The following MAP9 variants were observed in gnomAD, a reference collection of about 807,000 sequenced individuals.
The protein encoded by MAP9 is microtubule-associated protein 9.
A neutral mutation model predicts 75.2 loss-of-function variants in MAP9; 80 were observed. The ratio of observed to expected loss-of-function variants is 1.06; its 90% CI spans 0.89 to 1.28. MAP9 has a LOEUF of 1.28. MAP9 is among the 50% of genes most tolerant of loss of function. The pLI is 0.00. For missense variants in MAP9, 753 were observed against 719.9 expected (o/e 1.05, Z -0.53); for synonymous variants, 235 against 237.3 (o/e 0.99, Z 0.09).
At position 155,347,595 on chromosome 4, in the gene MAP9, C is replaced by T. The variant is rs1163488395; in HGVS notation, c.*188G>A. 1 of 483,076 alleles carries T rather than the reference C, an allele frequency of 2.1e-6. No homozygotes were observed. Among genetic ancestry groups the T allele is most frequent in the Non-Finnish European group, 3.6e-6 (1 of 277,280 alleles). 29.9% of individuals were successfully genotyped at this position (483,076 alleles called of 1,614,324 possible). ...CTGATTATTAGGTCTTTGTTTGAGG[C>T]AGTTTATCTACAGTTCAAAAAAATG... On this transcript the variant is annotated 3_prime_UTR_variant, in exon 14 of 14. Coordinates refer to ENST00000311277, the MANE Select transcript of MAP9 (RefSeq NM_001039580.2).
At chr4:155,365,405 A>C (rs911148146) in intron 5 of MAP9, among the ~76,000 whole-genome samples, 1 of 152,126 alleles carries the variant, frequency 6.6e-6, no homozygotes, top group South Asian at 2.1e-4. Flanking sequence ...ACCCACAAAC[A>C]TAACTGGATA....
In MAP9 at chr4:155,373,183, T is replaced by C; in HGVS notation, c.434A>G (p.Lys145Arg). 6.3e-7 allele frequency: 1 copy of C among 1,595,976 alleles called. No homozygotes were observed. Among genetic ancestry groups the C allele is most frequent in the Non-Finnish European group, 8.5e-7 (1 of 1,172,952 alleles). ...KDEEFEKDKI[K>R]MKPKPRILSI... ...AAGAATTCTGGGTTTAGGTTTCATT[T>C]TTATTTTGTCTTTTTCAAATTCCTC... The change falls in exon 4 of 14, where the codon AAA becomes AGA. Residue 145 changes from lysine to arginine, a missense_variant. Transcript: ENST00000311277.
chr4:155,374,405 A>G (rs1202201057), intron 3 of MAP9, among the ~76,000 whole-genome samples: 1 of 152,232 alleles, frequency 6.6e-6, no homozygotes, highest in Non-Finnish European at 1.5e-5. Flanking sequence ...TGAAACTAAA[A>G]TGTTAATATG....
At chr4:155,351,809 T>C (rs1379978181) in intron 13 of MAP9, among the ~76,000 whole-genome samples, 1 of 151,920 alleles carries the variant, frequency 6.6e-6, no homozygotes, top group East Asian at 1.9e-4. Flanking sequence ...GTTTTAAAGT[T>C]TGATAGGAAA....
At chr4:155,353,157 A>G in intron 11 of MAP9, 22 bp downstream of exon 11, 1 of 1,560,008 alleles carries the variant, frequency 6.4e-7, no homozygotes, top group Non-Finnish European at 8.6e-7. Context: ...AAAATAATTA[A>G]GATGTGCAAA....
chr4:155,347,957 T>G, intron 13 of MAP9, 52 bp from the exon 14 acceptor site: 1 of 1,168,344 alleles, frequency 8.6e-7, no homozygotes, highest in Non-Finnish European at 1.2e-6. Context: ...GATTATTATT[T>G]TCAAATCAGG....
Position 155,368,682 on chromosome 4 carries a change from T to C in MAP9, c.612A>G (p.Glu204=), listed in dbSNP as rs372795278. 79 of 1,614,108 alleles carry C rather than the reference T, an allele frequency of 4.9e-5. No homozygotes were observed. Among genetic ancestry groups the C allele is most frequent in the Non-Finnish European group, 6.3e-5 (74 of 1,180,038 alleles). The part of the protein sequence containing the change: ...LEDKETALSE[E]LELHSAPSSL... ...AAGAAGGTGCAGAATGTAACTCCAA[T>C]TCTTCACTGAGGGCAGTTTCTTTAT... The change falls in exon 5 of 14, where the codon GAA becomes GAG. Residue 204 remains glutamate (E), a synonymous_variant. Transcript: ENST00000311277.
intron 13 of MAP9, among the ~76,000 whole-genome samples, chr4:155,348,340 AAAAC>A (rs1274696472): frequency 3.3e-5 from 5 of 152,196 alleles, no homozygotes; most frequent in Non-Finnish European, 5.9e-5. Context: ...CTGTCTCAAA[AAAAC>A]AAACAAACAA....
intron 10 of MAP9, among the ~76,000 whole-genome samples, chr4:155,353,594 T>C (rs1282148492): frequency 6.6e-6 from 1 of 152,074 alleles, no homozygotes; most frequent in Non-Finnish European, 1.5e-5. Flanking sequence ...GACCTATTAA[T>C]GAGAAAGATG....
chr4:155,344,887 A>G lies in MAP9; in HGVS notation c.*2896T>C, dbSNP rs933551182. ...TTAAGTAATGTTTTAAAATATTCAT[A>G]AAATTTGTTTTCTTTACTTTGAGAT... On this transcript the variant is annotated 3_prime_UTR_variant, in exon 14 of 14. Transcript: ENST00000311277. 1.3e-5 allele frequency: 2 copies of G among 152,084 alleles called. No homozygotes were observed. Among genetic ancestry groups the G allele is most frequent in the African/African-American group, 2.4e-5 (1 of 41,560 alleles). The allele number at this position is 152,084 out of a possible 1,614,324, so 9.4% of individuals were successfully genotyped here.
Position 155,357,483 on chromosome 4 carries a change from A to C in MAP9, c.1087T>G (p.Ser363Ala). The C allele has an allele frequency of 6.4e-7, 1 of 1,563,352 alleles. No homozygotes were observed. Among genetic ancestry groups the C allele is most frequent in the Non-Finnish European group, 8.8e-7 (1 of 1,134,906 alleles). Residue 363 changes from serine (S) to alanine (A), a missense_variant, in exon 8 of 14, where the codon TCA (serine) becomes GCA (alanine). Coordinates refer to ENST00000311277, the MANE Select transcript of MAP9 (RefSeq NM_001039580.2). ...IEDRNIKNKK[S>A]TNNRASSASA... ...GCACTGGATGCTCTATTATTTGTTG[A>C]CTTTTTATTCTTTATATTTCTATCT...
At chr4:155,375,479 A>C (rs1356005124) in intron 2 of MAP9, among the ~76,000 whole-genome samples, 2 of 152,198 alleles carry the variant, frequency 1.3e-5, no homozygotes, top group Non-Finnish European at 2.9e-5. Flanking sequence ...ACAGAAAAAA[A>C]AACTTAAACA....
At chr4:155,353,431 T>A in intron 10 of MAP9, 91 bp from the exon 11 acceptor site, 1 of 1,064,088 alleles carries the variant, frequency 9.4e-7, no homozygotes, top group Non-Finnish European at 1.2e-6. Context: ...CACATATACA[T>A]TTATCTTTAG....
In MAP9 at chr4:155,355,903, A is replaced by G. The variant is rs991346763; in HGVS notation, c.1122-19T>C. ...CATTAATCTGAAAAGATCCAAATGAATCAAGACAAAATATTACAATTGCAT... is the reference window on the plus strand; with the variant it reads ...CATTAATCTGAAAAGATCCAAATGAGTCAAGACAAAATATTACAATTGCAT... On this transcript the variant is annotated intron_variant, in intron 8 of 13. Coordinates refer to ENST00000311277, the MANE Select transcript of MAP9 (RefSeq NM_001039580.2). 18 of 1,594,150 alleles carry G rather than the reference A, an allele frequency of 1.1e-5. No individual in the cohort carries two copies. The African/African-American group carries it at 2.2e-4, about 19-fold the overall frequency.
rs565090294 is a variant in MAP9, at chr4:155,373,173, A to G, written c.444T>C (p.Pro148=). 1.3e-6 allele frequency: 2 copies of G among 1,588,678 alleles called. No homozygotes were observed. Among genetic ancestry groups the G allele is most frequent in the East Asian group, 2.2e-5 (1 of 44,462 alleles). ...EFEKDKIKMK[P]KPRILSIKST... ...TTTTAATTGAAAGAATTCTGGGTTT[A>G]GGTTTCATTTTTATTTTGTCTTTTT... The change falls in exon 4 of 14, where the codon CCT becomes CCC. Residue 148 remains proline (P), a synonymous_variant. Coordinates refer to ENST00000311277, the MANE Select transcript of MAP9 (RefSeq NM_001039580.2).
At chr4:155,354,625 G>T (rs1731681889) in intron 10 of MAP9, among the ~76,000 whole-genome samples, 1 of 151,892 alleles carries the variant, frequency 6.6e-6, no homozygotes, top group African/African-American at 2.4e-5. Context: ...CACCATCCCT[G>T]GCTAATTTTT....
chr4:155,368,490 A>G (rs1560815092), intron 5 of MAP9, 96 bp downstream of exon 5: 2 of 986,000 alleles, frequency 2.0e-6, no homozygotes, highest in Non-Finnish European at 3.2e-6. Context: ...ACACACACAC[A>G]CGCACACAAA....
Position 155,344,027 on chromosome 4 carries a change from A to C in MAP9, c.*3756T>G, listed in dbSNP as rs557104641. ...CACTATCAAAATCGGAGTCAAGATT[A>C]AATTAGGGAAATCTAAGTTTCTTTT... On this transcript the variant is annotated 3_prime_UTR_variant, in exon 14 of 14. Coordinates refer to ENST00000311277, the MANE Select transcript of MAP9 (RefSeq NM_001039580.2). The C allele has an allele frequency of 4.0e-4, 61 of 152,126 alleles. No homozygotes were observed. The highest frequency in any genetic ancestry group is 1.3e-3 in the African/African-American group (53 of 41,578). 9.4% of individuals were successfully genotyped at this position (152,126 alleles called of 1,614,324 possible). A position where few individuals can be genotyped will look rare whatever the true frequency, so the allele number is the denominator to read the frequency against.
intron 4 of MAP9, among the ~76,000 whole-genome samples, chr4:155,369,539 A>C (rs1365785064): frequency 6.6e-6 from 1 of 152,192 alleles, no homozygotes; most frequent in East Asian, 1.9e-4. Flanking sequence ...TCATCCATCA[A>C]GCCTTTGAGT....
Sources: gnomAD v4.1 joint callset for allele counts (sites outside exome capture counted in the v4.1 genomes callset) on GRCh38, gnomAD v4.1.1 for gene constraint, MANE v1.5 for transcripts, NCBI Gene and HGNC (gene_info 2026-07-23, HGNC 2026-07-21) for gene names.